Variants in SLC4A10 observed in about 807,000 individuals in gnomAD.
The protein encoded by SLC4A10 is sodium-driven chloride bicarbonate exchanger.
SLC4A10 carries 42 observed loss-of-function variants against 137.7 expected under a neutral mutation model. The observed-to-expected ratio is 0.30, with a 90% CI of 0.24 to 0.39. The LOEUF (loss-of-function observed/expected upper bound fraction) is 0.39. Among genes scored for constraint, SLC4A10 ranks in the 10% least tolerant of loss-of-function variants. The pLI is 1.00. For missense variants in SLC4A10, 925 were observed against 1,355.0 expected (o/e 0.68, Z 4.98); for synonymous variants, 474 against 464.1 (o/e 1.02, Z -0.27).
At position 161,732,171 on chromosome 2, in the gene SLC4A10, T is replaced by A. The variant is rs563052956; in HGVS notation, c.49-38802T>A. On this transcript the variant is annotated intron_variant, in intron 1 of 26. Transcript: ENST00000446997. ...TTTATGGGAGCTTCATTACTAGCCA[T>A]AATTGAGTAAATCATTGGCAATTGG... Among the ~76,000 whole-genome samples, 4 of 152,296 alleles carry A rather than the reference T, an allele frequency of 2.6e-5. No homozygotes were observed. The South Asian group carries it at 8.3e-4, about 32-fold the overall frequency.
chr2:161,877,514 T>C (rs1006212264), intron 8 of SLC4A10, among the ~76,000 whole-genome samples: 3 of 152,064 alleles, frequency 2.0e-5, no homozygotes, highest in African/African-American at 7.2e-5. Flanking sequence ...TGTAAAGCAT[T>C]ACTAATTTAA....
At chr2:161,719,883 A>G (rs1264488575) in intron 1 of SLC4A10, among the ~76,000 whole-genome samples, 2 of 152,052 alleles carry the variant, frequency 1.3e-5, no homozygotes, top group Non-Finnish European at 2.9e-5. Context: ...TGCTGTGCAG[A>G]AGCTCTTTAG....
At chr2:161,798,694 A>G (rs936536181) in intron 2 of SLC4A10, among the ~76,000 whole-genome samples, 1 of 151,468 alleles carries the variant, frequency 6.6e-6, no homozygotes, top group Non-Finnish European at 1.5e-5. Flanking sequence ...GTCTGAATTG[A>G]CATATGTGTC....
chr2:161,817,939 C>T (rs1313031964), intron 3 of SLC4A10, among the ~76,000 whole-genome samples: 1 of 151,492 alleles, frequency 6.6e-6, no homozygotes, highest in African/African-American at 2.4e-5. Context: ...GTTCTTTTGG[C>T]TTAGGATTGA....
chr2:161,971,547 A>ACTCAGGT (rs1425245122), intron 23 of SLC4A10, among the ~76,000 whole-genome samples: 1 of 152,180 alleles, frequency 6.6e-6, no homozygotes, highest in African/African-American at 2.4e-5. Context: ...TCTGACTTCT[A>ACTCAGGT]AGCTGGCAAC....
chr2:161,762,441 G>A (rs2050350333), intron 1 of SLC4A10, among the ~76,000 whole-genome samples: 1 of 152,058 alleles, frequency 6.6e-6, no homozygotes, highest in South Asian at 2.1e-4. Flanking sequence ...CCTATTTAAA[G>A]CAGTATGATA....
chr2:161,687,916 C>T (rs961218970), intron 1 of SLC4A10, among the ~76,000 whole-genome samples: 9 of 152,166 alleles, frequency 5.9e-5, no homozygotes, highest in African/African-American at 2.2e-4. Flanking sequence ...GTCAATTAAA[C>T]CTCTTTTCTT....
intron 12 of SLC4A10, 82 bp downstream of exon 12, chr2:161,901,093 C>T: frequency 1.9e-6 from 2 of 1,046,342 alleles, no homozygotes; most frequent in Non-Finnish European, 2.9e-6. Flanking sequence ...ATTTTGGGAT[C>T]TAATTTATTG....
At position 161,962,984 on chromosome 2, in the gene SLC4A10, G is replaced by T. The variant is rs78290700; in HGVS notation, c.2863-1151G>T. On this transcript the variant is annotated intron_variant, in intron 21 of 26. Coordinates refer to ENST00000446997, the MANE Select transcript of SLC4A10 (RefSeq NM_001178015.2). The stretch of plus-strand genomic sequence containing the variant: ...TATTACTTTTTGAAAATGCATAATG[G>T]ATGTTACTGTAGAGATGGCATGAAA... Among the ~76,000 whole-genome samples, 642 of 152,200 alleles carry T rather than the reference G, an allele frequency of 4.2e-3. 6 individuals are homozygous for T. Among genetic ancestry groups the T allele is most frequent in the African/African-American group, 0.014 (601 of 41,550 alleles).
intron 2 of SLC4A10, among the ~76,000 whole-genome samples, chr2:161,779,599 T>C (rs910803760): frequency 2.6e-5 from 4 of 151,946 alleles, no homozygotes; most frequent in African/African-American, 9.7e-5. Context: ...ATCTCATAAT[T>C]ATAATATTTT....
At chr2:161,650,788 TG>T (rs1236363038) in intron 1 of SLC4A10, among the ~76,000 whole-genome samples, 1 of 151,356 alleles carries the variant, frequency 6.6e-6, no homozygotes, top group African/African-American at 2.4e-5. Context: ...TGGGTGCCAA[TG>T]AGCATGGGAG....
At chr2:161,925,046 C>T (rs978535466) in intron 15 of SLC4A10, among the ~76,000 whole-genome samples, 4 of 152,242 alleles carry the variant, frequency 2.6e-5, no homozygotes, top group East Asian at 1.9e-4. Flanking sequence ...GCAAACTACA[C>T]GGTGAAATGT....
At chr2:161,865,178 G>A (rs956804525) in intron 6 of SLC4A10, among the ~76,000 whole-genome samples, 1 of 151,476 alleles carries the variant, frequency 6.6e-6, no homozygotes, top group South Asian at 2.1e-4. Flanking sequence ...TTTTTTTCAG[G>A]CAAGAGACTA....
rs372650503 is a variant in SLC4A10 at position 161,980,531 on chromosome 2, C to T, written c.*27-2648C>T. Among the ~76,000 whole-genome samples the T allele has an allele frequency of 1.8e-4, 27 of 152,210 alleles. 1 individual carries two copies. In the East Asian group the frequency reaches 4.8e-3, roughly 27 times the overall value. ...GGGTATGGTAACGCACACCTGTAAT[C>T]CCAGCTACTCAGGAGGCTGAGGCAG... On this transcript the variant is annotated intron_variant, in intron 26 of 26. Coordinates refer to ENST00000446997, the MANE Select transcript of SLC4A10 (RefSeq NM_001178015.2).
rs183136928 is a variant in SLC4A10, at chr2:161,697,800, G to C, written c.49-73173G>C. ...ACTTGGTGATGCGGACTCTTTTTTG[G>C]TTCCATATGAACTTTAAAGTAGTTT... On this transcript the variant is annotated intron_variant, in intron 1 of 26. Coordinates refer to ENST00000446997, the MANE Select transcript of SLC4A10 (RefSeq NM_001178015.2). Among the ~76,000 whole-genome samples, 221 of 152,240 alleles carry C rather than the reference G, an allele frequency of 1.5e-3. 2 individuals carry two copies. Among genetic ancestry groups the C allele is most frequent in the Admixed American group, 0.012 (182 of 15,282 alleles).
chr2:161,718,332 G>T (rs2045196106), intron 1 of SLC4A10, among the ~76,000 whole-genome samples: 1 of 151,920 alleles, frequency 6.6e-6, no homozygotes. Flanking sequence ...CTTGTCTTCT[G>T]CTAGCTTTGG....
intron 3 of SLC4A10, among the ~76,000 whole-genome samples, chr2:161,814,060 A>G (rs1211982905): frequency 1.3e-5 from 2 of 152,116 alleles, no homozygotes; most frequent in African/African-American, 2.4e-5. Flanking sequence ...TCCAGAATCT[A>G]TAAGGAACTT....
intron 1 of SLC4A10, among the ~76,000 whole-genome samples, chr2:161,757,607 C>T (rs966660309): frequency 5.3e-5 from 8 of 152,124 alleles, no homozygotes; most frequent in Non-Finnish European, 8.8e-5. Context: ...CTTAAAATCA[C>T]GTGGCTAAAT....
chr2:161,978,941 C>A (rs1033976432), intron 26 of SLC4A10, among the ~76,000 whole-genome samples: 2 of 152,158 alleles, frequency 1.3e-5, no homozygotes, highest in African/African-American at 4.8e-5. Flanking sequence ...ATAAATATTT[C>A]TCATAGTAAT....
Sources: allele counts gnomAD v4.1 joint callset (sites outside exome capture counted in the v4.1 genomes callset), GRCh38; gene constraint gnomAD v4.1.1; transcripts MANE v1.5; gene names NCBI Gene and HGNC (gene_info 2026-07-23, HGNC 2026-07-21).